The following GREB1 variants were observed in gnomAD, a reference collection of about 807,000 sequenced individuals.
The protein encoded by GREB1 is protein GREB1.
In GREB1, 106 loss-of-function variants were observed where a neutral mutation model predicts 200.7. The ratio of observed to expected loss-of-function variants is 0.53; its 90% CI spans 0.45 to 0.62. The LOEUF is 0.62. Ranked by LOEUF, GREB1 falls within the 20% of genes least tolerant of loss-of-function variation. The probability of loss-of-function intolerance (pLI) is 0.00; values close to 1 mark genes in which losing one functional copy is unlikely to be tolerated. For synonymous variants in GREB1, 1,132 were observed against 1,092.4 expected, an observed-to-expected ratio of 1.04 and a Z score of -0.72; for missense variants, 2,243 against 2,556.8, an observed-to-expected ratio of 0.88 and a Z score of 2.65.
chr2:11,605,993 A>G (rs1369273944), intron 17 of GREB1, among the ~76,000 whole-genome samples: 1 of 152,036 alleles, frequency 6.6e-6, no homozygotes, highest in Non-Finnish European at 1.5e-5. Flanking sequence ...GGGTTATTTG[A>G]TAGGTGTATG....
intron 1 of GREB1, among the ~76,000 whole-genome samples, chr2:11,509,102 C>G (rs1401737231): frequency 8.7e-6 from 1 of 114,288 alleles, no homozygotes; most frequent in Non-Finnish European, 1.8e-5. Context: ...GTCTCGATCT[C>G]CTGACCTCGT....
rs1682442091 is a variant in GREB1 at position 11,607,493 on chromosome 2, C to CACATATATATACATATATGTACAT, written c.2667-3181_2667-3158dup. On this transcript the variant is annotated intron_variant, in intron 17 of 32. Coordinates refer to ENST00000381486, the MANE Select transcript of GREB1 (RefSeq NM_014668.4). ...ATATACACACACATACATATATATA[C>CACATATATATACATATATGTACAT]ACATATATATACATATATGTACATA... is the stretch of plus-strand genomic sequence containing the variant. Among the ~76,000 whole-genome samples the CACATATATATACATATATGTACAT allele has an allele frequency of 5.6e-5, 8 of 142,772 alleles. 1 individual carries two copies. The highest frequency in any genetic ancestry group is 7.0e-5 in the Admixed American group (1 of 14,268). 93.7% of individuals were successfully genotyped at this position (142,772 alleles called of 152,430 possible).
chr2:11,542,948 T>G (rs10929754), intron 1 of GREB1: 101,827 of 152,096 alleles, frequency 0.67, 34,728 homozygotes, highest in South Asian at 0.84. Context: ...GGGCTTTAAA[T>G]GCTAATCCAA....
intron 30 of GREB1, 101 bp downstream of exon 30, chr2:11,635,506 C>A: frequency 1.5e-6 from 2 of 1,371,264 alleles, no homozygotes; most frequent in Non-Finnish European, 2.0e-6. Context: ...ATGTCTCTTT[C>A]AAGCGCATGG....
chr2:11,635,045 AC>A (rs748574737), intron 29 of GREB1, among the ~76,000 whole-genome samples: 2 of 152,182 alleles, frequency 1.3e-5, no homozygotes, highest in Non-Finnish European at 2.9e-5. Flanking sequence ...CATGAGGTAC[AC>A]ACTGCCTTTC....
chr2:11,576,036 C>T (rs920895355), intron 4 of GREB1, among the ~76,000 whole-genome samples: 4 of 152,164 alleles, frequency 2.6e-5, no homozygotes, highest in Non-Finnish European at 4.4e-5. Flanking sequence ...TGCCTTGTGG[C>T]GTTCTCTGGC....
At chr2:11,622,370 C>T (rs1255931392) in intron 23 of GREB1, among the ~76,000 whole-genome samples, 2 of 152,346 alleles carry the variant, frequency 1.3e-5, no homozygotes, top group East Asian at 1.9e-4. Context: ...TGTGAGCCAC[C>T]GTGCTTGGCC....
intron 1 of GREB1, among the ~76,000 whole-genome samples, chr2:11,504,967 C>G (rs1429173960): frequency 6.6e-6 from 1 of 152,170 alleles, no homozygotes; most frequent in African/African-American, 2.4e-5. Flanking sequence ...GAGTCTTGCT[C>G]TGTTGCCAGG....
chr2:11,491,980 A>T (rs1418701092), intron 1 of GREB1, among the ~76,000 whole-genome samples: 1 of 152,138 alleles, frequency 6.6e-6, no homozygotes, highest in Admixed American at 6.5e-5. Flanking sequence ...AACCTCTTTC[A>T]GTGACTTCTA....
rs536028671 is a variant in GREB1, at chr2:11,639,165, C to G, written c.5686+356C>G. On this transcript the variant is annotated intron_variant, in intron 32 of 32. Coordinates refer to ENST00000381486, the MANE Select transcript of GREB1 (RefSeq NM_014668.4). ...AGTGCAGTGGCACGATCTTAGCTCACTGCAACTTCTGCCTCCTGGGTTCAA... is the reference window on the plus strand; with the variant it reads ...AGTGCAGTGGCACGATCTTAGCTCAGTGCAACTTCTGCCTCCTGGGTTCAA... 2.0e-5 allele frequency among the ~76,000 whole-genome samples: 3 copies of G among 152,370 alleles called. No individual in the cohort carries two copies. In the South Asian group the frequency reaches 6.2e-4, roughly 32 times the overall value.
chr2:11,594,596 C>G (rs183663729), intron 11 of GREB1, among the ~76,000 whole-genome samples: 11 of 152,134 alleles, frequency 7.2e-5, no homozygotes, highest in Admixed American at 7.2e-4. Context: ...CTCAGATGAT[C>G]CACCTACCTC....
At chr2:11,600,708 A>C in intron 15 of GREB1, 92 bp from the exon 16 acceptor site, 1 of 983,536 alleles carries the variant, frequency 1.0e-6, no homozygotes, top group Non-Finnish European at 1.6e-6. Flanking sequence ...TGGTAAAGTC[A>C]GGGGTTAGTT....
At chr2:11,505,962 G>A (rs1328981103) in intron 1 of GREB1, among the ~76,000 whole-genome samples, 4 of 152,160 alleles carry the variant, frequency 2.6e-5, no homozygotes, top group Middle Eastern at 3.2e-3. Context: ...TAACATCGGC[G>A]AACTCTCAGT....
intron 17 of GREB1, among the ~76,000 whole-genome samples, chr2:11,603,499 G>T (rs938426624): frequency 1.8e-4 from 28 of 152,254 alleles, no homozygotes; most frequent in Non-Finnish European, 5.9e-5. Context: ...TCTTTTCCAT[G>T]AGAGTTCTTG....
intron 17 of GREB1, 78 bp downstream of exon 17, chr2:11,602,620 G>T (rs964811402): frequency 2.3e-6 from 3 of 1,284,250 alleles, no homozygotes; most frequent in South Asian, 1.2e-5. Context: ...GCCAGCCAGG[G>T]AATTCCAGGA....
At chr2:11,632,144 C>T (rs768425404) in intron 27 of GREB1, 31 bp downstream of exon 27, 1 of 1,487,794 alleles carries the variant, frequency 6.7e-7, no homozygotes, top group Non-Finnish European at 9.4e-7. Context: ...TCTACTCAGT[C>T]AAACTCCTGT....
chr2:11,588,283 A>T, intron 9 of GREB1: 1 of 1,084,922 alleles, frequency 9.2e-7, no homozygotes, highest in Non-Finnish European at 1.1e-6. Flanking sequence ...ATATTGTCCC[A>T]ACTCACCTTG....
intron 5 of GREB1, among the ~76,000 whole-genome samples, chr2:11,577,878 C>T (rs1679040814): frequency 6.6e-6 from 1 of 152,226 alleles, no homozygotes; most frequent in Admixed American, 6.5e-5. Context: ...TCTTTGATCA[C>T]CTGCTGGGTC....
rs1558577784 is a variant in GREB1 at position 11,580,334 on chromosome 2, C to CG, written c.773-368dup. 6.6e-6 allele frequency among the ~76,000 whole-genome samples: 1 copy of CG among 152,154 alleles called. No individual in the cohort carries two copies. Among genetic ancestry groups the CG allele is most frequent in the African/African-American group, 2.4e-5 (1 of 41,436 alleles). ...TGGTCCTGGAATTCAGGAAGTCCCCCGGTCCTTCTTTAACTCAGGCTGTGT... is the reference window on the plus strand; with the variant it reads ...TGGTCCTGGAATTCAGGAAGTCCCCCGGGTCCTTCTTTAACTCAGGCTGTGT... On this transcript the variant is annotated intron_variant, in intron 6 of 32. Transcript: ENST00000381486. The surrounding 1 kb of genome is among the most constrained non-coding windows in gnomAD (Gnocchi z 4.5).
Sources: allele counts gnomAD v4.1 joint callset (sites outside exome capture counted in the v4.1 genomes callset), GRCh38; gene constraint gnomAD v4.1.1; non-coding constraint Gnocchi (gnomAD v3.1); transcripts MANE v1.5; gene names NCBI Gene and HGNC (gene_info 2026-07-23, HGNC 2026-07-21).